The following PRIMPOL variants were observed in gnomAD, a reference collection of about 807,000 sequenced individuals.
PRIMPOL encodes the protein primase and DNA directed polymerase, also known as DNA-directed primase/polymerase protein.
Under a neutral mutation model 63.6 loss-of-function variants are expected in PRIMPOL, and 54 were observed. The ratio of observed to expected loss-of-function variants is 0.85; its 90% CI spans 0.68 to 1.07. The LOEUF is 1.07. Among genes scored for constraint, PRIMPOL ranks in the 50% least tolerant of loss-of-function variants. The pLI is 0.00. For synonymous variants in PRIMPOL, 197 were observed against 220.2 expected, an observed-to-expected ratio of 0.89 and a Z score of 0.93; for missense variants, 610 against 648.3, an observed-to-expected ratio of 0.94 and a Z score of 0.64.
At chr4:184,680,506 G>A (rs1755343093) in intron 8 of PRIMPOL, among the ~76,000 whole-genome samples, 2 of 152,254 alleles carry the variant, frequency 1.3e-5, no homozygotes, top group South Asian at 2.1e-4. Context: ...ATAATTTTAA[G>A]GAAAGATTCT....
intron 13 of PRIMPOL, 146 bp downstream of exon 13, chr4:184,691,858 G>T: frequency 1.7e-6 from 1 of 586,674 alleles, no homozygotes; most frequent in East Asian, 2.9e-5. Context: ...ATATATTGTA[G>T]TGATTTTCCC....
In PRIMPOL at chr4:184,694,622, C is replaced by T. The variant is rs774537982; in HGVS notation, c.1526C>T (p.Ala509Val). The T allele has an allele frequency of 2.5e-6, 4 of 1,614,032 alleles. No individual in the cohort carries two copies. The Admixed American group carries it at 5.0e-5, about 20-fold the overall frequency. ...SPSRLSTGAS[A>V]DAVWDNGIDD... is the part of the protein sequence containing the mutation. ...AGCAGGCTGTCAACAGGTGCATCTG[C>T]TGATGCTGTCTGGGATAATGGCATT... Residue 509 changes from alanine (A) to valine (V), a missense_variant, in exon 14 of 14, where the codon GCT (alanine) becomes GTT (valine). Ala to Val is a moderately conservative substitution (Grantham distance 64, BLOSUM62 0). This residue lies in a region of PRIMPOL where 444 missense variants were observed against 456.4 expected (regional missense o/e 0.97). Transcript: ENST00000314970.
chr4:184,677,882 G>T (rs1418981099), intron 7 of PRIMPOL, among the ~76,000 whole-genome samples: 1 of 152,142 alleles, frequency 6.6e-6, no homozygotes, highest in Non-Finnish European at 1.5e-5. Flanking sequence ...CTAGATATTT[G>T]TTGGTTTTGG....
At chr4:184,687,951 A>G (rs1757426753) in intron 11 of PRIMPOL, among the ~76,000 whole-genome samples, 1 of 152,184 alleles carries the variant, frequency 6.6e-6, no homozygotes. Context: ...CTTGTTTTCG[A>G]ATCGCATCCT....
chr4:184,685,042 T>C (rs1015115229), intron 9 of PRIMPOL, among the ~76,000 whole-genome samples: 13 of 152,150 alleles, frequency 8.5e-5, no homozygotes, highest in African/African-American at 3.1e-4. Flanking sequence ...AGATTGCCTG[T>C]GTTCACAGGA....
intron 13 of PRIMPOL, among the ~76,000 whole-genome samples, chr4:184,692,962 ACT>A (rs1362711322): frequency 3.3e-5 from 5 of 152,146 alleles, no homozygotes; most frequent in African/African-American, 9.7e-5. Flanking sequence ...GTAATTAAGT[ACT>A]GTTTTTGACG....
chr4:184,654,830 T>G (rs1745839855), intron 2 of PRIMPOL, among the ~76,000 whole-genome samples: 1 of 152,158 alleles, frequency 6.6e-6, no homozygotes, highest in African/African-American at 2.4e-5. Context: ...TGTTATGAAA[T>G]TTATGTTAGT....
At chr4:184,680,390 G>T (rs1755306533) in intron 8 of PRIMPOL, among the ~76,000 whole-genome samples, 1 of 152,162 alleles carries the variant, frequency 6.6e-6, no homozygotes, top group Admixed American at 6.5e-5. Context: ...GTTTCCCCAT[G>T]TTGGGGGGGC....
rs370944751 is a variant in PRIMPOL at position 184,672,175 on chromosome 4, A to G, written c.559A>G (p.Asn187Asp). ...VAFKDNIHVGNFLRKILQPAL... is the reference protein window; with the variant it reads ...VAFKDNIHVGDFLRKILQPAL... The stretch of plus-strand genomic sequence containing the variant: ...ATGATAATAGCTTTTTTCCTTAGGT[A>G]ATTTTTTGAGAAAAATTTTGCAGCC... Residue 187 changes from asparagine to aspartate, a missense_variant and splice_region_variant, in exon 7 of 14, where the codon AAT (asparagine) becomes GAT (aspartate). Physicochemically the swap from Asn to Asp is conservative, Grantham distance 23. This residue lies in a region of PRIMPOL where 444 missense variants were observed against 456.4 expected (regional missense o/e 0.97). Transcript: ENST00000314970. 1.2e-6 allele frequency: 2 copies of G among 1,604,918 alleles called. No individual in the cohort carries two copies.
chr4:184,692,683 T>C (rs1425125096), intron 13 of PRIMPOL, among the ~76,000 whole-genome samples: 2 of 151,928 alleles, frequency 1.3e-5, no homozygotes, highest in African/African-American at 4.8e-5. Context: ...GTATCACAAA[T>C]ATTTTTAGTA....
chr4:184,687,097 A>C (rs757720896), intron 11 of PRIMPOL, among the ~76,000 whole-genome samples: 2 of 152,080 alleles, frequency 1.3e-5, no homozygotes, highest in Non-Finnish European at 2.9e-5. Flanking sequence ...CTGAGATGGA[A>C]TCTCACTCCG....
chr4:184,672,293 A>G lies in PRIMPOL; in HGVS notation c.677A>G (p.Gln226Arg), dbSNP rs779743283. Residue 226 changes from glutamine to arginine, a missense_variant, in exon 7 of 14, where the codon CAA becomes CGA. By Grantham distance (43) the Gln-to-Arg change is conservative. Transcript: ENST00000314970. ...CATTTTTCAGAAGCACCTGCAAGAC[A>G]AGGATTTTCTTTCAATAAAATGTTC... ...FPHFSEAPAR[Q>R]GFSFNKMFTE... is the part of the protein sequence containing the mutation. The G allele has an allele frequency of 1.9e-6, 3 of 1,614,140 alleles. No individual in the cohort carries two copies. Among genetic ancestry groups the G allele is most frequent in the Non-Finnish European group, 2.5e-6 (3 of 1,180,030 alleles).
At chr4:184,670,851 G>A (rs1043580814) in intron 6 of PRIMPOL, among the ~76,000 whole-genome samples, 1 of 152,104 alleles carries the variant, frequency 6.6e-6, no homozygotes, top group Admixed American at 6.5e-5. Flanking sequence ...ACCTGGCTGA[G>A]TAGGCAAGTA....
chr4:184,694,516 A>C lies in PRIMPOL; in HGVS notation c.1426-6A>C. ...CACTCTCTATCCCTTCACCACTGAA[A>C]TAAAGGAAGAAGAGTTTACAACAGA... On this transcript the variant is annotated splice_region_variant and splice_polypyrimidine_tract_variant and intron_variant, in intron 13 of 13. Coordinates refer to ENST00000314970, the MANE Select transcript of PRIMPOL (RefSeq NM_152683.4). 6.2e-7 allele frequency: 1 copy of C among 1,608,804 alleles called. No individual in the cohort carries two copies. Among genetic ancestry groups the C allele is most frequent in the Non-Finnish European group, 8.5e-7 (1 of 1,176,126 alleles).
intron 11 of PRIMPOL, among the ~76,000 whole-genome samples, chr4:184,688,006 G>A (rs1188611465): frequency 6.6e-6 from 1 of 152,190 alleles, no homozygotes; most frequent in Non-Finnish European, 1.5e-5. Flanking sequence ...CACCCACGTT[G>A]CAGTATGTAG....
intron 11 of PRIMPOL, among the ~76,000 whole-genome samples, chr4:184,687,707 C>T (rs6552800): frequency 0.55 from 83,685 of 152,098 alleles, 25,071 homozygotes; most frequent in Non-Finnish European, 0.68. Context: ...CTCTGTCTCC[C>T]GGGTTCAAGC....
rs1760177653 is a variant in PRIMPOL, at chr4:184,694,884, A to C, written c.*105A>C. The C allele has an allele frequency of 4.9e-6, 5 of 1,025,174 alleles. No homozygotes were observed. The highest frequency in any genetic ancestry group is 5.6e-6 in the Non-Finnish European group (4 of 719,800). The allele number at this position is 1,025,174 out of a possible 1,614,324, so 63.5% of individuals were successfully genotyped here. A position where few individuals can be genotyped will look rare whatever the true frequency, so the allele number is the denominator to read the frequency against. The stretch of plus-strand genomic sequence containing the variant: ...CTGTTTATATAAACTAAGTTTTATT[A>C]CTTTGCTTTCCAATTTTTGTTTTTT... On this transcript the variant is annotated 3_prime_UTR_variant, in exon 14 of 14. Coordinates refer to ENST00000314970, the MANE Select transcript of PRIMPOL (RefSeq NM_152683.4).
Position 184,691,365 on chromosome 4 carries a change from A to C in PRIMPOL, c.1296-134A>C, listed in dbSNP as rs1758472509. The C allele has an allele frequency of 6.4e-6, 4 of 627,868 alleles. No homozygotes were observed. The East Asian group carries it at 1.1e-4, about 17-fold the overall frequency. 38.9% of individuals were successfully genotyped at this position (627,868 alleles called of 1,614,324 possible). ...CCACCGTTTTGATTGGTATGTATCTATCCTTATCCTTTTACTTTTTAATTT... is the reference window on the plus strand; with the variant it reads ...CCACCGTTTTGATTGGTATGTATCTCTCCTTATCCTTTTACTTTTTAATTT... On this transcript the variant is annotated intron_variant, in intron 11 of 13. Coordinates refer to ENST00000314970, the MANE Select transcript of PRIMPOL (RefSeq NM_152683.4).
chr4:184,668,351 C>G (rs937090094), intron 6 of PRIMPOL, among the ~76,000 whole-genome samples: 3 of 152,276 alleles, frequency 2.0e-5, no homozygotes, highest in Admixed American at 2.0e-4. Context: ...TCTCGCCCTA[C>G]TTAGCCAGTC....
Sources: gnomAD v4.1 joint callset for allele counts (sites outside exome capture counted in the v4.1 genomes callset) on GRCh38, gnomAD v4.1.1 for gene constraint, gnomAD v4.1.1 regional missense constraint, MANE v1.5 for transcripts, NCBI Gene and HGNC (gene_info 2026-07-23, HGNC 2026-07-21) for gene names.